ADK: variants seen among roughly 807,000 people sequenced by gnomAD.
The protein encoded by ADK is N6,N6-dimethyladenosine kinase.
Under a neutral mutation model 44.7 loss-of-function variants are expected in ADK, and 24 were observed. The observed-to-expected ratio is 0.54, with a 90% CI of 0.39 to 0.76. The LOEUF (loss-of-function observed/expected upper bound fraction) is 0.76, where lower values mean the gene tolerates loss of function less well. Among genes scored for constraint, ADK ranks in the 30% least tolerant of loss-of-function variants. The pLI is 0.00. For missense variants in ADK, 321 were observed against 425.1 expected (o/e 0.76, Z 2.15); for synonymous variants, 128 against 142.6 (o/e 0.90, Z 0.73).
intron 1 of ADK, among the ~76,000 whole-genome samples, chr10:74,189,210 T>TC (rs1842878117): frequency 1.3e-5 from 2 of 152,252 alleles, no homozygotes; most frequent in Admixed American, 1.3e-4. Context: ...TTGTGATTTT[T>TC]CTGGTCCACA....
At chr10:74,682,804 C>T (rs896721221) in intron 10 of ADK, among the ~76,000 whole-genome samples, 2 of 152,006 alleles carry the variant, frequency 1.3e-5, no homozygotes, top group South Asian at 2.1e-4. Context: ...TAACTCCTGA[C>T]CTCAGATGAT....
chr10:74,266,897 G>A (rs1392876047), intron 3 of ADK, among the ~76,000 whole-genome samples: 1 of 152,056 alleles, frequency 6.6e-6, no homozygotes, highest in Admixed American at 6.5e-5. Context: ...CCTTTTCCTA[G>A]GTCAATGTAC....
intron 6 of ADK, among the ~76,000 whole-genome samples, chr10:74,442,341 T>C (rs969541512): frequency 6.6e-6 from 1 of 152,276 alleles, no homozygotes; most frequent in Admixed American, 6.5e-5. Flanking sequence ...ATCTCATTTT[T>C]GGATATAAAT....
intron 6 of ADK, among the ~76,000 whole-genome samples, chr10:74,404,532 A>G (rs1427673024): frequency 6.6e-6 from 1 of 152,166 alleles, no homozygotes; most frequent in Non-Finnish European, 1.5e-5. Flanking sequence ...TTTGAAAGAC[A>G]TTTGTGCCAG....
chr10:74,643,426 C>T (rs1242915469), intron 9 of ADK, among the ~76,000 whole-genome samples: 1 of 152,124 alleles, frequency 6.6e-6, no homozygotes, highest in Non-Finnish European at 1.5e-5. Flanking sequence ...TTCTATCTTC[C>T]AGTTCACTAA....
At chr10:74,188,654 C>G (rs969723123) in intron 1 of ADK, among the ~76,000 whole-genome samples, 4 of 152,078 alleles carry the variant, frequency 2.6e-5, no homozygotes, top group African/African-American at 9.6e-5. Context: ...GCCCGGCCAC[C>G]TTGCTCTCCT....
At chr10:74,324,539 G>GAGA (rs1840942280) in intron 4 of ADK, among the ~76,000 whole-genome samples, 1 of 152,134 alleles carries the variant, frequency 6.6e-6, no homozygotes. Flanking sequence ...CTGTTAACAA[G>GAGA]TTATTCTCCA....
At chr10:74,594,902 G>A (rs541491929) in intron 8 of ADK, among the ~76,000 whole-genome samples, 3 of 152,094 alleles carry the variant, frequency 2.0e-5, no homozygotes, top group Non-Finnish European at 4.4e-5. Flanking sequence ...GGCCGGGTGT[G>A]GTGGCTCCCA....
intron 4 of ADK, 29 bp from the exon 5 acceptor site, chr10:74,394,112 A>T: frequency 1.9e-6 from 3 of 1,613,094 alleles, no homozygotes; most frequent in Non-Finnish European, 2.5e-6. Context: ...TTTTTGCCCC[A>T]TTAAATTATT....
chr10:74,457,330 A>C (rs952146314), intron 6 of ADK, among the ~76,000 whole-genome samples: 1 of 152,222 alleles, frequency 6.6e-6, no homozygotes, highest in Non-Finnish European at 1.5e-5. Context: ...AAATTGAGGC[A>C]GTAATTAATA....
At position 74,391,640 on chromosome 10, in the gene ADK, G is replaced by C. The variant is rs144797203; in HGVS notation, c.274-2501G>C. On this transcript the variant is annotated intron_variant, in intron 4 of 10. Transcript: ENST00000539909. ...GAGGATCTGTTGAATTCAGGAGTTCGAGGCAAGAATATACACACACACACA... is the reference window on the plus strand; with the variant it reads ...GAGGATCTGTTGAATTCAGGAGTTCCAGGCAAGAATATACACACACACACA... Among the ~76,000 whole-genome samples the C allele has an allele frequency of 3.1e-5, 4 of 127,228 alleles. No individual in the cohort carries two copies. The East Asian group carries it at 8.9e-4, about 28-fold the overall frequency. The allele number at this position is 127,228 out of a possible 152,430, so 83.5% of individuals were successfully genotyped here.
At chr10:74,367,691 G>T (rs1041893622) in intron 4 of ADK, among the ~76,000 whole-genome samples, 9 of 152,160 alleles carry the variant, frequency 5.9e-5, no homozygotes, top group African/African-American at 2.2e-4. Context: ...AGAAGGTGAT[G>T]GTTTGCCTTG....
In ADK at chr10:74,670,233, A is replaced by C. The variant is rs1037280785; in HGVS notation, c.928A>C (p.Ile310Leu). The C allele has an allele frequency of 6.2e-7, 1 of 1,613,942 alleles. No homozygotes were observed. The highest frequency in any genetic ancestry group is 8.5e-7 in the Non-Finnish European group (1 of 1,179,884). Residue 310 changes from isoleucine (I) to leucine (L), a missense_variant, in exon 10 of 11, where the codon ATT becomes CTT. Transcript: ENST00000539909. ...CTTGGATCAAGACCAGAAAGAAATTATTGATACCAATGGAGCTGGAGATGC... is the reference window on the plus strand; with the variant it reads ...CTTGGATCAAGACCAGAAAGAAATTCTTGATACCAATGGAGCTGGAGATGC... ...AVLDQDQKEI[I>L]DTNGAGDAFV...
intron 6 of ADK, among the ~76,000 whole-genome samples, chr10:74,474,677 G>T (rs769343415): frequency 6.0e-5 from 9 of 150,976 alleles, no homozygotes; most frequent in African/African-American, 7.3e-5. Flanking sequence ...CATGTGTGTG[G>T]GGGTGTGTGT....
intron 3 of ADK, among the ~76,000 whole-genome samples, chr10:74,264,687 G>C (rs1462122489): frequency 6.6e-6 from 1 of 152,042 alleles, no homozygotes; most frequent in African/African-American, 2.4e-5. Flanking sequence ...CCTTATTTAA[G>C]AAATTACTTC....
intron 8 of ADK, among the ~76,000 whole-genome samples, chr10:74,592,665 C>G (rs1330421316): frequency 6.6e-6 from 1 of 152,102 alleles, no homozygotes; most frequent in East Asian, 1.9e-4. Flanking sequence ...TTCACTTCCT[C>G]CATAGCCCCT....
At chr10:74,355,133 A>G (rs1842092367) in intron 4 of ADK, among the ~76,000 whole-genome samples, 2 of 151,976 alleles carry the variant, frequency 1.3e-5, no homozygotes, top group African/African-American at 4.8e-5. Context: ...GCTCTTTTCT[A>G]GTTTTATTTG....
intron 3 of ADK, among the ~76,000 whole-genome samples, chr10:74,235,733 G>A (rs1844934601): frequency 6.6e-6 from 1 of 152,098 alleles, no homozygotes; most frequent in South Asian, 2.1e-4. Context: ...TTCTGCTATG[G>A]TTTGAATGTT....
chr10:74,176,709 C>G (rs552652204), intron 1 of ADK: 1 of 1,471,066 alleles, frequency 6.8e-7, no homozygotes, highest in South Asian at 1.3e-5. Context: ...ATCAGCACGC[C>G]GGGCCGGCTA....
Sources: gnomAD v4.1 joint callset for allele counts (sites outside exome capture counted in the v4.1 genomes callset) on GRCh38, gnomAD v4.1.1 for gene constraint, MANE v1.5 for transcripts, NCBI Gene and HGNC (gene_info 2026-07-23, HGNC 2026-07-21) for gene names.